The following SPAG16 variants were observed in gnomAD, a reference collection of about 807,000 sequenced individuals.
SPAG16 encodes the protein sperm-associated antigen 16 protein.
In SPAG16, 86 loss-of-function variants were observed where a neutral mutation model predicts 80.4. The ratio of observed to expected loss-of-function variants is 1.07; its 90% CI spans 0.90 to 1.28. SPAG16 has a LOEUF of 1.28. Ranked by LOEUF, SPAG16 falls within the 50% of genes most tolerant of loss-of-function variation. The pLI is 0.00. For missense variants in SPAG16, 870 were observed against 765.3 expected (o/e 1.14, Z -1.61); for synonymous variants, 294 against 265.9 (o/e 1.11, Z -1.03).
At chr2:214,301,028 TATAATAATAATA>T (rs71037363) in intron 15 of SPAG16, among the ~76,000 whole-genome samples, 1,587 of 141,832 alleles carry the variant, frequency 0.011, 13 homozygotes, top group Admixed American at 0.015. Flanking sequence ...AAACTTAAAG[TATAATAATAATA>T]ATAATAATAA....
intron 10 of SPAG16, among the ~76,000 whole-genome samples, chr2:213,495,285 C>T (rs1350392578): frequency 6.6e-6 from 1 of 152,218 alleles, no homozygotes; most frequent in African/African-American, 2.4e-5. Flanking sequence ...GTGGGATTCA[C>T]TGTTGACTTT....
chr2:213,932,870 A>G (rs3893331), intron 12 of SPAG16, among the ~76,000 whole-genome samples: 42,294 of 151,780 alleles, frequency 0.28, 6,125 homozygotes, highest in East Asian at 0.43. Context: ...TCTGTGAATA[A>G]TTAACAGTAG....
chr2:213,627,018 C>T (rs1574548461), intron 10 of SPAG16, among the ~76,000 whole-genome samples: 2 of 152,198 alleles, frequency 1.3e-5, no homozygotes, highest in East Asian at 3.9e-4. Flanking sequence ...CTCTGTATTC[C>T]AACTCCTATC....
At chr2:213,290,204 T>C (rs751204709) in intron 1 of SPAG16, among the ~76,000 whole-genome samples, 2 of 152,214 alleles carry the variant, frequency 1.3e-5, no homozygotes, top group African/African-American at 4.8e-5. Flanking sequence ...TCACCCATGG[T>C]GACTAAATAC....
chr2:213,581,738 A>G (rs188428382), intron 10 of SPAG16, among the ~76,000 whole-genome samples: 17 of 152,270 alleles, frequency 1.1e-4, no homozygotes, highest in Non-Finnish European at 2.1e-4. Context: ...AAGCTGCAAC[A>G]CTTAGAATGT....
chr2:214,037,487 A>C (rs1458983525), intron 13 of SPAG16, among the ~76,000 whole-genome samples: 1 of 152,080 alleles, frequency 6.6e-6, no homozygotes, highest in African/African-American at 2.4e-5. Flanking sequence ...TGAGAAGAAG[A>C]TGTATTCACT....
At chr2:213,376,952 T>C (rs1439594500) in intron 9 of SPAG16, among the ~76,000 whole-genome samples, 1 of 152,304 alleles carries the variant, frequency 6.6e-6, no homozygotes, top group Non-Finnish European at 1.5e-5. Flanking sequence ...TTCTACTTCA[T>C]TGGCTTACAC....
intron 10 of SPAG16, among the ~76,000 whole-genome samples, chr2:213,538,949 C>T (rs1020039016): frequency 1.3e-5 from 2 of 152,084 alleles, no homozygotes; most frequent in African/African-American, 4.8e-5. Flanking sequence ...TCTGTAAACA[C>T]TTTGCCAGTA....
At chr2:213,575,972 C>CA (rs2060110683) in intron 10 of SPAG16, among the ~76,000 whole-genome samples, 1 of 151,898 alleles carries the variant, frequency 6.6e-6, no homozygotes, top group South Asian at 2.1e-4. Context: ...TTTGGAAATC[C>CA]ATTTGCTCAA....
At chr2:213,396,796 C>CCATA in intron 9 of SPAG16, 2 of 349,956 alleles carry the variant, frequency 5.7e-6, no homozygotes, top group South Asian at 4.6e-5. Context: ...TCGTCAACAC[C>CCATA]CATACCCTTT....
intron 15 of SPAG16, among the ~76,000 whole-genome samples, chr2:214,207,843 C>G (rs1313396830): frequency 6.6e-6 from 1 of 152,214 alleles, no homozygotes; most frequent in African/African-American, 2.4e-5. Flanking sequence ...TGGCTTCCAT[C>G]TTTCTCCTGT....
rs79170173 is a variant in SPAG16, at chr2:213,986,180, G to T, written c.1401-27771G>T. ...ATTTCAAAGAGAAAGTGAGATTTGA[G>T]GTAGACAGTGAAAGTTGGGCACAAT... is the stretch of plus-strand genomic sequence containing the variant. On this transcript the variant is annotated intron_variant, in intron 12 of 15. Coordinates refer to ENST00000331683, the MANE Select transcript of SPAG16 (RefSeq NM_024532.5). Among the ~76,000 whole-genome samples the T allele has an allele frequency of 6.3e-3, 956 of 152,134 alleles. 7 individuals carry two copies. The highest frequency in any genetic ancestry group is 0.022 in the African/African-American group (916 of 41,532).
chr2:213,743,842 C>A (rs971753724), intron 10 of SPAG16, among the ~76,000 whole-genome samples: 6 of 152,068 alleles, frequency 3.9e-5, no homozygotes, highest in African/African-American at 1.2e-4. Flanking sequence ...TCCCATTTTC[C>A]CACTGTTCTC....
intron 10 of SPAG16, among the ~76,000 whole-genome samples, chr2:213,631,912 A>T (rs1272185612): frequency 6.6e-6 from 1 of 152,096 alleles, no homozygotes; most frequent in African/African-American, 2.4e-5. Flanking sequence ...GATGACAGGT[A>T]ATGTGATTCC....
At chr2:213,908,737 C>T (rs889743984) in intron 11 of SPAG16, among the ~76,000 whole-genome samples, 4 of 139,818 alleles carry the variant, frequency 2.9e-5, no homozygotes, top group African/African-American at 1.0e-4. Context: ...AGGAAACCAA[C>T]CAAGATCATT....
rs1476981494 is a variant in SPAG16 at position 213,377,879 on chromosome 2, GTGTA to G, written c.942+2762_942+2765del. Among the ~76,000 whole-genome samples, 164 of 142,480 alleles carry G rather than the reference GTGTA, an allele frequency of 1.2e-3. 1 individual carries two copies. The highest frequency in any genetic ancestry group is 1.5e-3 in the South Asian group (7 of 4,560). 93.5% of individuals were successfully genotyped at this position (142,480 alleles called of 152,430 possible). ...TCCAGAGGGATAGAACTAATAGGAT[GTGTA>G]TATATATATATATATATATATTTTT... On this transcript the variant is annotated intron_variant, in intron 9 of 15. Coordinates refer to ENST00000331683, the MANE Select transcript of SPAG16 (RefSeq NM_024532.5).
intron 15 of SPAG16, among the ~76,000 whole-genome samples, chr2:214,215,272 G>A (rs1169408291): frequency 6.6e-6 from 1 of 151,978 alleles, no homozygotes; most frequent in Non-Finnish European, 1.5e-5. Flanking sequence ...CAAAATGACT[G>A]TTAACCAACC....
At chr2:214,394,210 T>C (rs928734238) in intron 15 of SPAG16, among the ~76,000 whole-genome samples, 5 of 152,178 alleles carry the variant, frequency 3.3e-5, no homozygotes, top group African/African-American at 1.2e-4. Flanking sequence ...GTGGCTTTTT[T>C]TCTCTCTCTC....
chr2:214,209,590 A>T (rs1364337110), intron 15 of SPAG16, among the ~76,000 whole-genome samples: 1 of 152,138 alleles, frequency 6.6e-6, no homozygotes, highest in Non-Finnish European at 1.5e-5. Flanking sequence ...GGGAAGTAAT[A>T]CGTCTTTGCA....
Sources: allele counts gnomAD v4.1 joint callset (sites outside exome capture counted in the v4.1 genomes callset), GRCh38; gene constraint gnomAD v4.1.1; transcripts MANE v1.5; gene names NCBI Gene and HGNC (gene_info 2026-07-23, HGNC 2026-07-21).